Variants in MOSPD2 observed in about 807,000 individuals in gnomAD.
MOSPD2 encodes motile sperm domain-containing protein 2.
MOSPD2 carries 5 observed loss-of-function variants against 41.7 expected under a neutral mutation model. That is an observed-to-expected ratio of 0.12 (90% CI 0.06 to 0.25). The LOEUF is 0.25. MOSPD2 is among the 10% of genes least tolerant of loss of function. The pLI, the probability that MOSPD2 is intolerant of heterozygous loss-of-function variation, is 1.00. For missense variants in MOSPD2, 282 were observed against 375.2 expected (o/e 0.75, Z 2.05); for synonymous variants, 115 against 126.9 (o/e 0.91, Z 0.63).
intron 7 of MOSPD2, 63 bp from the exon 8 acceptor site, chrX:14,908,797 A>G (rs780742862): frequency 8.8e-5 from 93 of 1,058,268 alleles, no homozygotes; most frequent in Non-Finnish European, 1.2e-4. Flanking sequence ...GTTAGCATTT[A>G]TGGTAAATTA....
At chrX:14,892,680 A>G (rs2092556146) in intron 2 of MOSPD2, 43 bp from the exon 3 acceptor site, 2 of 1,067,829 alleles carry the variant, frequency 1.9e-6, no homozygotes, top group African/African-American at 1.9e-5. Context: ...TTTTCACTGC[A>G]GAATTAATCT....
At chrX:14,875,648 G>T (rs996068065) in intron 2 of MOSPD2, among the ~76,000 whole-genome samples, 1 of 111,445 alleles carries the variant, frequency 9.0e-6, no homozygotes, top group South Asian at 3.8e-4. Context: ...GAAAAACCAC[G>T]ACTAGCCACA....
At chrX:14,900,453 A>G in intron 5 of MOSPD2, 122 bp from the exon 6 acceptor site, 1 of 321,133 alleles carries the variant, frequency 3.1e-6, no homozygotes. Context: ...TTTACATATG[A>G]GCTTACTTTT....
intron 2 of MOSPD2, chrX:14,874,577 A>G (rs2092516060): frequency 8.9e-6 from 1 of 111,814 alleles, no homozygotes; most frequent in African/African-American, 3.3e-5. Flanking sequence ...TTAAAAAAAC[A>G]TAAACCATCT....
At chrX:14,914,694 C>G (rs908024644) in intron 11 of MOSPD2, 95 bp downstream of exon 11, 3 of 513,284 alleles carry the variant, frequency 5.8e-6, no homozygotes, top group Non-Finnish European at 9.4e-6. Flanking sequence ...AAATTTTGAA[C>G]TTGTACAGTG....
intron 2 of MOSPD2, among the ~76,000 whole-genome samples, chrX:14,879,507 GTCTAAT>G (rs2092527579): frequency 1.8e-5 from 2 of 111,850 alleles, no homozygotes; most frequent in African/African-American, 6.5e-5. Flanking sequence ...ATGTTCTCAT[GTCTAAT>G]TCTTTTTCTC....
chrX:14,905,477 C>T (rs1203557260), intron 7 of MOSPD2, among the ~76,000 whole-genome samples: 1 of 110,065 alleles, frequency 9.1e-6, no homozygotes, highest in Non-Finnish European at 1.9e-5. Context: ...AACTGACACA[C>T]GTCTTCCTGT....
At chrX:14,910,672 T>G (rs575689554) in intron 8 of MOSPD2, among the ~76,000 whole-genome samples, 22 of 111,725 alleles carry the variant, frequency 2.0e-4, no homozygotes, top group Non-Finnish European at 3.2e-4. Flanking sequence ...CCAAATTTCC[T>G]CTAAAGAGAT....
At chrX:14,888,204 ACG>A (rs1191572782) in intron 2 of MOSPD2, among the ~76,000 whole-genome samples, 4,125 of 45,961 alleles carry the variant, frequency 0.09, 88 homozygotes, top group Non-Finnish European at 0.11. Flanking sequence ...ATACACACAC[ACG>A]CACACACACA....
At position 14,914,650 on chromosome X, in the gene MOSPD2, A is replaced by G. The variant is rs188197475; in HGVS notation, c.1089+51A>G. The G allele has an allele frequency of 1.3e-3, 946 of 718,435 alleles. 7 individuals carry two copies. In the African/African-American group the frequency reaches 0.018, roughly 13 times the overall value. The allele number at this position is 718,435 out of a possible 1,213,427, so 59.2% of individuals were successfully genotyped here. A position where few individuals can be genotyped will look rare whatever the true frequency, so the allele number is the denominator to read the frequency against. ...TTATGTTTGAGAATTTGACATGGGAAGTGATTTTAGACATATTCTAATTGA... is the reference window on the plus strand; with the variant it reads ...TTATGTTTGAGAATTTGACATGGGAGGTGATTTTAGACATATTCTAATTGA... On this transcript the variant is annotated intron_variant, in intron 11 of 14. Transcript: ENST00000380492.
chrX:14,919,598 A>C (rs2092605937), intron 14 of MOSPD2, 74 bp from the exon 15 acceptor site: 1 of 801,732 alleles, frequency 1.2e-6, no homozygotes. Flanking sequence ...GATTTCTAGT[A>C]TTCCTGTTTG....
At chrX:14,913,645 A>T (rs1208686589) in intron 10 of MOSPD2, among the ~76,000 whole-genome samples, 1 of 112,344 alleles carries the variant, frequency 8.9e-6, no homozygotes, top group African/African-American at 3.2e-5. Flanking sequence ...AACATGTGTT[A>T]GTTAGATTAA....
intron 2 of MOSPD2, among the ~76,000 whole-genome samples, chrX:14,888,567 A>G (rs770308698): frequency 9.9e-5 from 11 of 111,424 alleles, no homozygotes; most frequent in South Asian, 7.5e-4. Flanking sequence ...CTGTAAGTCC[A>G]TTAAACCTCT....
In MOSPD2 at chrX:14,908,945, T is replaced by C. The variant is rs375702250; in HGVS notation, c.663T>C (p.Tyr221=). Residue 221 remains tyrosine, a synonymous_variant, in exon 8 of 15, where the codon TAT becomes TAC. Transcript: ENST00000380492. ...CAAGCAAAAATGAAGTCCAGGACTA[T>C]GTCAGTGTAGAATACCTGCCTCCCC... The part of the protein sequence containing the change: ...KFTSKNEVQD[Y]VSVEYLPPHM... 1.2e-5 allele frequency: 14 copies of C among 1,183,262 alleles called. No homozygotes were observed. The highest frequency in any genetic ancestry group is 1.9e-5 in the South Asian group (1 of 53,338).
chrX:14,915,751 G>A lies in MOSPD2; in HGVS notation c.1173G>A (p.Val391=). The change falls in exon 12 of 15, where the codon GTG becomes GTA. Residue 391 remains valine (V), a synonymous_variant. Transcript: ENST00000380492. ...CGGGTGCATCAGTGGATATAGTTGT[G>A]TCTCCCCATGGGGGTGAGTTGTCAC... The part of the protein sequence containing the change: ...CDPGASVDIV[V]SPHGGLTVSA... 6.6e-6 allele frequency: 8 copies of A among 1,204,665 alleles called. No homozygotes were observed. The South Asian group carries it at 1.2e-4, about 19-fold the overall frequency.
Position 14,920,154 on chromosome X carries a change from A to G in MOSPD2, c.*345A>G, listed in dbSNP as rs989515401. The stretch of plus-strand genomic sequence containing the variant: ...AAATACATTAGCTAAACTGAAAAGT[A>G]TAAGTAACATGCTTTGTTGCAGCCA... On this transcript the variant is annotated 3_prime_UTR_variant, in exon 15 of 15. Transcript: ENST00000380492. 1.3e-6 allele frequency: 1 copy of G among 752,469 alleles called. No individual in the cohort carries two copies. The highest frequency in any genetic ancestry group is 1.6e-6 in the Non-Finnish European group (1 of 636,570). The allele number at this position is 752,469 out of a possible 1,213,427, so 62.0% of individuals were successfully genotyped here. A position where few individuals can be genotyped will look rare whatever the true frequency, so the allele number is the denominator to read the frequency against.
At chrX:14,887,005 A>G (rs990954424) in intron 2 of MOSPD2, among the ~76,000 whole-genome samples, 26 of 111,960 alleles carry the variant, frequency 2.3e-4, no homozygotes, top group African/African-American at 8.4e-4. Flanking sequence ...TCTTGATCAC[A>G]CCCATTACTG....
At chrX:14,883,174 A>G (rs1202680002) in intron 2 of MOSPD2, among the ~76,000 whole-genome samples, 1 of 110,297 alleles carries the variant, frequency 9.1e-6, no homozygotes, top group Admixed American at 9.6e-5. Flanking sequence ...AGCCTGGGCA[A>G]CAGAGTGAGA....
intron 2 of MOSPD2, among the ~76,000 whole-genome samples, chrX:14,888,291 TC>T (rs1406798407): frequency 9.2e-6 from 1 of 108,791 alleles, no homozygotes; most frequent in Non-Finnish European, 1.9e-5. Context: ...TTTGGCTCTC[TC>T]CCCACCCAAA....
Sources: gnomAD v4.1 joint callset for allele counts (sites outside exome capture counted in the v4.1 genomes callset) on GRCh38, gnomAD v4.1.1 for gene constraint, MANE v1.5 for transcripts, NCBI Gene and HGNC (gene_info 2026-07-23, HGNC 2026-07-21) for gene names.